DOCK7: variants seen among roughly 807,000 people sequenced by gnomAD.
DOCK7 encodes the protein dedicator of cytokinesis 7.
DOCK7 carries 138 observed loss-of-function variants against 271.0 expected under a neutral mutation model. The ratio of observed to expected loss-of-function variants is 0.51; its 90% CI spans 0.44 to 0.59. DOCK7 has a LOEUF of 0.59. Ranked by LOEUF, DOCK7 falls within the 20% of genes least tolerant of loss-of-function variation. DOCK7 has a pLI of 0.00. For synonymous variants in DOCK7, 823 were observed against 876.1 expected (o/e 0.94, Z 1.07); for missense variants, 2,066 against 2,592.4 (o/e 0.80, Z 4.41).
At chr1:62,552,127 C>A (rs1356323710) in intron 22 of DOCK7, among the ~76,000 whole-genome samples, 1 of 151,652 alleles carries the variant, frequency 6.6e-6, no homozygotes, top group Non-Finnish European at 1.5e-5. Flanking sequence ...ATGCTACGTA[C>A]TACCTGTATT....
intron 13 of DOCK7, among the ~76,000 whole-genome samples, chr1:62,619,584 G>A (rs1218360623): frequency 6.6e-6 from 1 of 152,176 alleles, no homozygotes; most frequent in Non-Finnish European, 1.5e-5. Context: ...CATGAATGTG[G>A]TCTCTTTCTC....
chr1:62,541,566 T>C (rs59816054), intron 25 of DOCK7, among the ~76,000 whole-genome samples: 5,579 of 152,314 alleles, frequency 0.037, 252 homozygotes, highest in African/African-American at 0.11. Flanking sequence ...AGAGCAAATA[T>C]ATTTTAACTT....
At chr1:62,564,242 A>C (rs1646435533) in intron 18 of DOCK7, among the ~76,000 whole-genome samples, 1 of 152,210 alleles carries the variant, frequency 6.6e-6, no homozygotes, top group African/African-American at 2.4e-5. Context: ...GGAACTCTCC[A>C]CAACAAATCA....
intron 18 of DOCK7, among the ~76,000 whole-genome samples, chr1:62,577,057 T>C (rs1365153007): frequency 3.3e-5 from 5 of 152,294 alleles, no homozygotes; most frequent in African/African-American, 1.2e-4. Context: ...ACATTTAAAA[T>C]GAAATTTAAA....
intron 2 of DOCK7, among the ~76,000 whole-genome samples, chr1:62,661,093 G>A (rs1442292274): frequency 6.9e-6 from 1 of 144,458 alleles, no homozygotes; most frequent in Non-Finnish European, 1.5e-5. Context: ...GCAAGAACCT[G>A]TCTGAAAAAA....
intron 36 of DOCK7, 138 bp downstream of exon 36, chr1:62,505,544 G>A (rs1024267707): frequency 1.1e-5 from 11 of 961,642 alleles, no homozygotes; most frequent in Non-Finnish European, 1.3e-5. Flanking sequence ...AGGGTCTTAG[G>A]TTATTATTTA....
intron 14 of DOCK7, among the ~76,000 whole-genome samples, chr1:62,587,763 A>G (rs1414702531): frequency 1.3e-5 from 2 of 152,148 alleles, no homozygotes; most frequent in African/African-American, 2.4e-5. Context: ...CAGGTTCCAG[A>G]GCAGGATGTA....
chr1:62,542,970 T>C (rs1557691571), intron 24 of DOCK7, among the ~76,000 whole-genome samples: 1 of 152,186 alleles, frequency 6.6e-6, no homozygotes, highest in Non-Finnish European at 1.5e-5. Flanking sequence ...CCTCCTAAAT[T>C]GTACCTGCAA....
intron 1 of DOCK7, among the ~76,000 whole-genome samples, chr1:62,686,926 G>C (rs1055273402): frequency 8.6e-5 from 13 of 151,792 alleles, no homozygotes; most frequent in African/African-American, 2.7e-4. Flanking sequence ...GACGACAGGT[G>C]CAACACCACA....
chr1:62,476,686 T>C (rs1005659613), intron 44 of DOCK7, among the ~76,000 whole-genome samples: 5 of 152,182 alleles, frequency 3.3e-5, no homozygotes, highest in African/African-American at 1.2e-4. Context: ...GTCAAGAATA[T>C]AGTGACTACT....
chr1:62,621,383 G>T (rs970281048), intron 12 of DOCK7, among the ~76,000 whole-genome samples: 1 of 152,068 alleles, frequency 6.6e-6, no homozygotes, highest in Non-Finnish European at 1.5e-5. Flanking sequence ...AATAGCTAGA[G>T]TTTTTCTTTT....
chr1:62,652,597 C>A (rs1189655095), intron 4 of DOCK7, among the ~76,000 whole-genome samples: 1 of 152,114 alleles, frequency 6.6e-6, no homozygotes, highest in Non-Finnish European at 1.5e-5. Flanking sequence ...TGTTAATTCT[C>A]TTATCCTCTT....
intron 28 of DOCK7, 76 bp downstream of exon 28, chr1:62,537,815 T>C (rs1177666774): frequency 7.4e-7 from 1 of 1,348,756 alleles, no homozygotes. Flanking sequence ...TCAATAAGTG[T>C]TATTTTTTCC....
At chr1:62,545,217 T>C (rs963966172) in intron 22 of DOCK7, among the ~76,000 whole-genome samples, 178 bp from the exon 23 acceptor site, 16 of 152,188 alleles carry the variant, frequency 1.1e-4, no homozygotes, top group African/African-American at 3.9e-4. Context: ...TATCTTATTA[T>C]ATAACACAAT....
At chr1:62,663,233 A>G in intron 1 of DOCK7, 103 bp from the exon 2 acceptor site, 2 of 890,912 alleles carry the variant, frequency 2.2e-6, no homozygotes, top group African/African-American at 1.7e-5. Context: ...CATTTAAAGA[A>G]AAACAAAATC....
At chr1:62,663,960 G>T (rs1019981601) in intron 1 of DOCK7, among the ~76,000 whole-genome samples, 9 of 152,148 alleles carry the variant, frequency 5.9e-5, no homozygotes, top group African/African-American at 2.2e-4. Context: ...ATGGGTAACT[G>T]GATAAACAAA....
intron 16 of DOCK7, among the ~76,000 whole-genome samples, chr1:62,579,660 C>CCACTG (rs1647052030): frequency 7.1e-6 from 1 of 140,806 alleles, no homozygotes; most frequent in South Asian, 2.3e-4. Context: ...TATGATCCTG[C>CCACTG]CACTGCACTC....
At chr1:62,514,220 T>C (rs558942862) in intron 31 of DOCK7, among the ~76,000 whole-genome samples, 3 of 152,032 alleles carry the variant, frequency 2.0e-5, no homozygotes, top group South Asian at 4.1e-4. Flanking sequence ...CTAAAAGATA[T>C]ATATCACAGA....
intron 43 of DOCK7, chr1:62,481,976 T>C (rs1489848133): frequency 6.6e-6 from 1 of 152,216 alleles, no homozygotes; most frequent in African/African-American, 2.4e-5. Flanking sequence ...TTTCTTTCCT[T>C]CTACTAGGTT....
Sources: gnomAD v4.1 joint callset for allele counts (sites outside exome capture counted in the v4.1 genomes callset) on GRCh38, gnomAD v4.1.1 for gene constraint, MANE v1.5 for transcripts, NCBI Gene and HGNC (gene_info 2026-07-23, HGNC 2026-07-21) for gene names.